The following PDS5B variants were observed in gnomAD, a reference collection of about 807,000 sequenced individuals.
The protein encoded by PDS5B is sister chromatid cohesion protein PDS5 homolog B.
In PDS5B, 51 loss-of-function variants were observed where a neutral mutation model predicts 184.1. The ratio of observed to expected loss-of-function variants is 0.28; its 90% CI spans 0.22 to 0.35. The LOEUF is 0.35. Among genes scored for constraint, PDS5B ranks in the 10% least tolerant of loss-of-function variants. PDS5B has a pLI of 1.00. For synonymous variants in PDS5B, 566 were observed against 569.2 expected, an observed-to-expected ratio of 0.99 and a Z score of 0.08; for missense variants, 1,180 against 1,723.3, an observed-to-expected ratio of 0.68 and a Z score of 5.58.
At chr13:32,654,259 T>G (rs1353489997) in intron 3 of PDS5B, among the ~76,000 whole-genome samples, 1 of 152,170 alleles carries the variant, frequency 6.6e-6, no homozygotes, top group Non-Finnish European at 1.5e-5. Context: ...TTGTCTACAG[T>G]AGTGTTGTAT....
rs747783591 is a variant in PDS5B, at chr13:32,758,179, C to G, written c.3149C>G (p.Thr1050Arg). 6 of 1,526,804 alleles carry G rather than the reference C, an allele frequency of 3.9e-6. No individual in the cohort carries two copies. In the Admixed American group the frequency reaches 1.1e-4, roughly 29 times the overall value. 94.6% of individuals were successfully genotyped at this position (1,526,804 alleles called of 1,614,324 possible). ...IRKMVENIKQ[T>R]KDAQGPDDAK... Reference sequence around the variant, plus strand: ...AAGATGGTAGAAAATATTAAACAAACAAAAGATGCCCAAGGACCAGATGAT... The same window carrying G: ...AAGATGGTAGAAAATATTAAACAAAGAAAAGATGCCCAAGGACCAGATGAT... The change falls in exon 27 of 35, where the codon ACA becomes AGA. Residue 1050 changes from threonine (T) to arginine (R), a missense_variant. Around this residue, in one of 11 missense-constraint regions of PDS5B, gnomAD observed 465 missense variants for 497.8 expected, o/e 0.93. Coordinates refer to ENST00000315596, the MANE Select transcript of PDS5B (RefSeq NM_015032.4).
chr13:32,653,393 A>G (rs1950420341), intron 3 of PDS5B, among the ~76,000 whole-genome samples: 4 of 152,164 alleles, frequency 2.6e-5, no homozygotes, highest in Non-Finnish European at 5.9e-5. Context: ...ATTTATATTT[A>G]TTTCACTTAA....
chr13:32,750,766 T>C (rs2140992789), intron 24 of PDS5B, among the ~76,000 whole-genome samples: 1 of 152,226 alleles, frequency 6.6e-6, no homozygotes, highest in Non-Finnish European at 1.5e-5. Context: ...GGTCTCGAAC[T>C]CCTGACCTCA....
intron 15 of PDS5B, among the ~76,000 whole-genome samples, chr13:32,697,518 G>A (rs1951740615): frequency 2.0e-5 from 3 of 152,214 alleles, no homozygotes; most frequent in Admixed American, 1.3e-4. Context: ...ATTCCAAGAT[G>A]TGTATGAAAG....
At chr13:32,654,975 G>A (rs990107215) in intron 3 of PDS5B, among the ~76,000 whole-genome samples, 2 of 152,054 alleles carry the variant, frequency 1.3e-5, no homozygotes, top group East Asian at 1.9e-4. Context: ...TGTGAATAGT[G>A]CTGCTACGAA....
chr13:32,723,117 C>G (rs1022323196), intron 19 of PDS5B, among the ~76,000 whole-genome samples: 1 of 152,136 alleles, frequency 6.6e-6, no homozygotes, highest in South Asian at 2.1e-4. Flanking sequence ...TAGCCATACA[C>G]TATACATACA....
Position 32,737,421 on chromosome 13 carries a change from C to G in PDS5B, c.2406+2091C>G, listed in dbSNP as rs1953376816. On this transcript the variant is annotated intron_variant, in intron 21 of 34. Coordinates refer to ENST00000315596, the MANE Select transcript of PDS5B (RefSeq NM_015032.4). Reference sequence around the variant, plus strand: ...GATTCTTAATCTTGTTCTTCTAGCTCTGTGACAGGAAAGCTTTGCTCAACT... The same window carrying G: ...GATTCTTAATCTTGTTCTTCTAGCTGTGTGACAGGAAAGCTTTGCTCAACT... Among the ~76,000 whole-genome samples the G allele has an allele frequency of 2.0e-5, 3 of 152,224 alleles. No homozygotes were observed. The South Asian group carries it at 6.2e-4, about 32-fold the overall frequency.
chr13:32,694,346 G>A (rs1203516887), intron 14 of PDS5B, 42 bp downstream of exon 14: 1 of 1,168,396 alleles, frequency 8.6e-7, no homozygotes, highest in South Asian at 1.3e-5. Flanking sequence ...TAAAACACAT[G>A]TATTTTAATT....
chr13:32,728,133 T>A (rs1952973327), intron 19 of PDS5B, among the ~76,000 whole-genome samples: 1 of 151,844 alleles, frequency 6.6e-6, no homozygotes, highest in Non-Finnish European at 1.5e-5. Context: ...ATTCTATTTG[T>A]GTTCTTTTTT....
At chr13:32,721,094 C>G (rs575843717) in intron 19 of PDS5B, among the ~76,000 whole-genome samples, 45 of 152,378 alleles carry the variant, frequency 3.0e-4, no homozygotes, top group Non-Finnish European at 5.3e-4. Flanking sequence ...CCCCACATTT[C>G]CCTCTTTTCT....
chr13:32,667,594 C>T (rs1950836000), intron 6 of PDS5B, among the ~76,000 whole-genome samples, 170 bp from the exon 7 acceptor site: 1 of 152,132 alleles, frequency 6.6e-6, no homozygotes, highest in African/African-American at 2.4e-5. Flanking sequence ...ATCTTAGATC[C>T]AGTAGGCCAG....
chr13:32,777,351 C>CTTTTTTTTT lies in PDS5B; in HGVS notation c.*2306_*2314dup, dbSNP rs546641613. 12 of 129,560 alleles carry CTTTTTTTTT rather than the reference C, an allele frequency of 9.3e-5. No homozygotes were observed. The highest frequency in any genetic ancestry group is 1.1e-4 in the African/African-American group (4 of 35,252). The allele number at this position is 129,560 out of a possible 1,614,324, so 8.0% of individuals were successfully genotyped here. ...ATGTAAATTTTTCTTTTCTTTCTTT[C>CTTTTTTTTT]TTTTTTTTTTTTTTTGTGTAGAAAA... On this transcript the variant is annotated 3_prime_UTR_variant, in exon 35 of 35. Transcript: ENST00000315596.
chr13:32,745,460 A>T (rs1393009982), intron 23 of PDS5B, among the ~76,000 whole-genome samples: 1 of 152,264 alleles, frequency 6.6e-6, no homozygotes, highest in Non-Finnish European at 1.5e-5. Flanking sequence ...ATTAGACAAC[A>T]TCTTCCAAAG....
chr13:32,727,081 T>G (rs1017904974), intron 19 of PDS5B, among the ~76,000 whole-genome samples: 47 of 152,178 alleles, frequency 3.1e-4, no homozygotes, highest in African/African-American at 8.2e-4. Context: ...ATTATTGATA[T>G]GGTGGGGTTT....
chr13:32,708,113 G>A (rs1047164976), intron 18 of PDS5B, among the ~76,000 whole-genome samples: 1 of 152,046 alleles, frequency 6.6e-6, no homozygotes, highest in Non-Finnish European at 1.5e-5. Flanking sequence ...ATAATTAAAA[G>A]TAGGTATAAA....
chr13:32,597,801 C>G (rs917640504), intron 1 of PDS5B, among the ~76,000 whole-genome samples: 3 of 149,992 alleles, frequency 2.0e-5, no homozygotes, highest in Non-Finnish European at 1.5e-5. Flanking sequence ...GAGCAGAGGT[C>G]GTGCCACTGC....
At chr13:32,646,369 GTTTT>G (rs58539534) in intron 1 of PDS5B, among the ~76,000 whole-genome samples, 4 of 106,070 alleles carry the variant, frequency 3.8e-5, no homozygotes, top group African/African-American at 1.2e-4. Context: ...TCATGGCTGT[GTTTT>G]TTTTTTTTTT....
intron 24 of PDS5B, among the ~76,000 whole-genome samples, chr13:32,750,530 C>T (rs1953937387): frequency 6.6e-6 from 1 of 152,068 alleles, no homozygotes; most frequent in African/African-American, 2.4e-5. Flanking sequence ...CCCCTTCCCT[C>T]CCTACAGCTA....
In PDS5B at chr13:32,694,135, AT is replaced by A. The variant is rs1951632114; in HGVS notation, c.1470-85del. 8.6e-5 allele frequency: 76 copies of A among 883,892 alleles called. 1 individual carries two copies. The South Asian group carries it at 1.1e-3, about 13-fold the overall frequency. The allele number at this position is 883,892 out of a possible 1,614,324, so 54.8% of individuals were successfully genotyped here. A position where few individuals can be genotyped will look rare whatever the true frequency, so the allele number is the denominator to read the frequency against. ...CTCATCTCTGTCATCTCCTTTTATA[AT>A]TTGAACCTTAAATTATATAGTAGTA... On this transcript the variant is annotated intron_variant, in intron 13 of 34. Transcript: ENST00000315596.
Sources: allele counts gnomAD v4.1 joint callset (sites outside exome capture counted in the v4.1 genomes callset), GRCh38; gene constraint gnomAD v4.1.1; regional missense constraint gnomAD v4.1.1; transcripts MANE v1.5; gene names NCBI Gene and HGNC (gene_info 2026-07-23, HGNC 2026-07-21).